The following FRMPD4 variants were observed in gnomAD, a reference collection of about 807,000 sequenced individuals.
FRMPD4 encodes FERM and PDZ domain-containing protein 4.
FRMPD4 carries 22 observed loss-of-function variants against 94.1 expected under a neutral mutation model. The ratio of observed to expected loss-of-function variants is 0.23; its 90% CI spans 0.17 to 0.33. The LOEUF (loss-of-function observed/expected upper bound fraction) is 0.33, where lower values mean the gene tolerates loss of function less well. Among genes scored for constraint, FRMPD4 ranks in the 10% least tolerant of loss-of-function variants. FRMPD4 has a pLI of 1.00. For synonymous variants in FRMPD4, 631 were observed against 548.6 expected (o/e 1.15, Z -2.10); for missense variants, 1,111 against 1,339.9 (o/e 0.83, Z 2.67).
Position 12,571,702 on chromosome X carries a change from TTG to T in FRMPD4, c.159-38015_159-38014del, listed in dbSNP as rs769248351. On this transcript the variant is annotated intron_variant, in intron 2 of 16. Transcript: ENST00000675598. ...TCTTGACTCATCCCCATCTGAATGA[TTG>T]TGTCTATAGTTAAAAGATATGATAA... Among the ~76,000 whole-genome samples the T allele has an allele frequency of 8.9e-5, 10 of 112,579 alleles. No homozygotes were observed. In the East Asian group the frequency reaches 2.8e-3, roughly 31 times the overall value.
intron 1 of FRMPD4, among the ~76,000 whole-genome samples, chrX:12,152,923 AT>A (rs11432329): frequency 0.11 from 7,907 of 75,185 alleles, 190 homozygotes; most frequent in African/African-American, 0.17. Flanking sequence ...AAGCTTATAC[AT>A]TTTTTTTTTT....
intron 1 of FRMPD4, among the ~76,000 whole-genome samples, chrX:12,463,148 C>T (rs1180115331): frequency 8.9e-6 from 1 of 111,930 alleles, no homozygotes; most frequent in Non-Finnish European, 1.9e-5. Flanking sequence ...GGAATTCTTT[C>T]TACAAATTTA....
chrX:12,612,458 C>G (rs1020638034), intron 3 of FRMPD4, among the ~76,000 whole-genome samples: 1 of 112,194 alleles, frequency 8.9e-6, no homozygotes, highest in Non-Finnish European at 1.9e-5. Flanking sequence ...CTACAGAAGT[C>G]CCAAGTGATT....
chrX:12,122,244 G>A (rs892563074), intron 3 of FRMPD4, among the ~76,000 whole-genome samples: 24 of 111,469 alleles, frequency 2.2e-4, no homozygotes, highest in African/African-American at 7.8e-4. Context: ...ACTAGGAAGG[G>A]CAGGGAACCA....
At chrX:12,053,927 G>A (rs2037771161) in intron 3 of FRMPD4, among the ~76,000 whole-genome samples, 2 of 111,987 alleles carry the variant, frequency 1.8e-5, no homozygotes, top group South Asian at 7.4e-4. Context: ...AATATAACTG[G>A]ACAAAGAGTG....
At chrX:12,590,758 G>C (rs752324991) in intron 2 of FRMPD4, among the ~76,000 whole-genome samples, 3 of 111,390 alleles carry the variant, frequency 2.7e-5, no homozygotes, top group Non-Finnish European at 5.7e-5. Context: ...AAGTGCCAAG[G>C]CTGCCTCTAT....
chrX:12,586,865 G>A (rs777269642), intron 2 of FRMPD4, among the ~76,000 whole-genome samples: 35 of 111,796 alleles, frequency 3.1e-4, no homozygotes, highest in Non-Finnish European at 6.0e-4. Flanking sequence ...GGGAGCTTTC[G>A]TTTCCTTTAA....
rs781165475 is a variant in FRMPD4, at chrX:12,672,124, G to A, written c.423-2739G>A. 8.0e-5 allele frequency among the ~76,000 whole-genome samples: 9 copies of A among 112,175 alleles called. No individual in the cohort carries two copies. The East Asian group carries it at 2.5e-3, about 31-fold the overall frequency. The stretch of plus-strand genomic sequence containing the variant: ...TCCAGATTGAAATGAGGCCAAGATG[G>A]TGAGGTAAAAGGCAAGAAAGTTCTC... On this transcript the variant is annotated intron_variant, in intron 4 of 16. Transcript: ENST00000675598.
At chrX:12,146,381 GAA>G (rs2055769902) in intron 1 of FRMPD4, among the ~76,000 whole-genome samples, 1 of 107,848 alleles carries the variant, frequency 9.3e-6, no homozygotes, top group Non-Finnish European at 1.9e-5. Flanking sequence ...AAAAAGAAAA[GAA>G]AAAGAGAACC....
chrX:12,096,458 A>G (rs1406872642), intron 3 of FRMPD4, among the ~76,000 whole-genome samples: 1 of 111,785 alleles, frequency 8.9e-6, no homozygotes, highest in Non-Finnish European at 1.9e-5. Context: ...ATTACCCAAT[A>G]TATTTTCTAC....
chrX:11,907,242 C>T (rs5933928), intron 3 of FRMPD4, among the ~76,000 whole-genome samples: 5,296 of 110,079 alleles, frequency 0.048, 127 homozygotes, highest in African/African-American at 0.099. Flanking sequence ...TTAAAGTCTG[C>T]TGAATCCAGT....
intron 1 of FRMPD4, among the ~76,000 whole-genome samples, chrX:12,430,189 A>G (rs1361708479): frequency 8.9e-6 from 1 of 112,498 alleles, no homozygotes; most frequent in Admixed American, 9.3e-5. Flanking sequence ...TTGTTCTTAT[A>G]TGATCTTGTT....
intron 2 of FRMPD4, among the ~76,000 whole-genome samples, chrX:12,588,032 A>G (rs1053825009): frequency 5.3e-5 from 6 of 112,339 alleles, no homozygotes; most frequent in African/African-American, 1.9e-4. Context: ...TCGGTCTCCC[A>G]GGCTGGAATG....
intron 1 of FRMPD4, among the ~76,000 whole-genome samples, chrX:12,394,681 C>G (rs1342652205): frequency 9.0e-6 from 1 of 110,962 alleles, no homozygotes; most frequent in Non-Finnish European, 1.9e-5. Context: ...TTTCTTCCTT[C>G]CTTCTTACTT....
chrX:12,314,346 T>C (rs2055080693), intron 1 of FRMPD4, among the ~76,000 whole-genome samples: 1 of 111,788 alleles, frequency 8.9e-6, no homozygotes, highest in African/African-American at 3.3e-5. Context: ...TGAAGCGGGC[T>C]TCCTGAAGGA....
chrX:12,523,416 T>C (rs978812034), intron 2 of FRMPD4, among the ~76,000 whole-genome samples: 6 of 112,135 alleles, frequency 5.4e-5, no homozygotes. Context: ...CAGTGCTTGA[T>C]TGTTGTATTC....
At chrX:12,565,455 C>T (rs1037940147) in intron 2 of FRMPD4, among the ~76,000 whole-genome samples, 2 of 112,237 alleles carry the variant, frequency 1.8e-5, no homozygotes, top group African/African-American at 6.5e-5. Context: ...CATAATATAA[C>T]AAGAAGGGCA....
intron 3 of FRMPD4, among the ~76,000 whole-genome samples, chrX:12,096,947 T>G (rs1000074399): frequency 2.7e-5 from 3 of 111,075 alleles, no homozygotes; most frequent in African/African-American, 9.8e-5. Flanking sequence ...AGCCAGGGAC[T>G]ATTAGACTCA....
rs368733965 is a variant in FRMPD4, at chrX:12,139,551, T to TGGGG, written c.41+546_41+549dup. Among the ~76,000 whole-genome samples the TGGGG allele has an allele frequency of 2.8e-3, 228 of 81,607 alleles. 1 individual carries two copies. The highest frequency in any genetic ancestry group is 4.9e-3 in the African/African-American group (107 of 21,990). The allele number at this position is 81,607 out of a possible 115,157, so 70.9% of individuals were successfully genotyped here. On this transcript the variant is annotated intron_variant, in intron 1 of 16. Coordinates refer to ENST00000675598, the MANE Select transcript of FRMPD4 (RefSeq NM_001368397.1). ...GAAAGACTTTCAGCCTTTTTTTTTT[T>TGGGG]GGGGGGGGGGTAACTATATTCTTAA...
Sources: allele counts gnomAD v4.1 joint callset (sites outside exome capture counted in the v4.1 genomes callset), GRCh38; gene constraint gnomAD v4.1.1; transcripts MANE v1.5; gene names NCBI Gene and HGNC (gene_info 2026-07-23, HGNC 2026-07-21).